Variants in SUPT5H observed in about 807,000 individuals in gnomAD.
SUPT5H encodes SPT5 homolog, DSIF elongation factor subunit, also known as transcription elongation factor SPT5.
In SUPT5H, 24 loss-of-function variants were observed where a neutral mutation model predicts 142.5. The observed-to-expected ratio is 0.17, with a 90% CI of 0.12 to 0.24. The LOEUF (loss-of-function observed/expected upper bound fraction) is 0.24, where lower values mean the gene tolerates loss of function less well. Among genes scored for constraint, SUPT5H ranks in the 10% least tolerant of loss-of-function variants. SUPT5H has a pLI of 1.00. For missense variants in SUPT5H, 893 were observed against 1,471.8 expected (o/e 0.61, Z 6.43); for synonymous variants, 546 against 553.0 (o/e 0.99, Z 0.18).
At chr19:39,449,533 T>G (rs973381554) in intron 2 of SUPT5H, among the ~76,000 whole-genome samples, 3 of 152,018 alleles carry the variant, frequency 2.0e-5, no homozygotes, top group Admixed American at 6.6e-5. Context: ...AGGCTCACAG[T>G]GGTCAGGGCT....
Position 39,453,359 on chromosome 19 carries a change from G to T in SUPT5H, c.79G>T (p.Asp27Tyr). 1 of 1,603,092 alleles carries T rather than the reference G, an allele frequency of 6.2e-7. No individual in the cohort carries two copies. The highest frequency in any genetic ancestry group is 1.1e-5 in the South Asian group (1 of 89,676). Reference protein sequence around the residue: ...RSSDGEEAEVDEERRSAAGSE... With the variant: ...RSSDGEEAEVYEERRSAAGSE... ...CAACCCTGCCTGACCCCTGTAGGTA[G>T]ACGAAGAGCGGCGGAGTGCAGCGGG... The change falls in exon 3 of 30, where the codon GAC becomes TAC. Residue 27 changes from aspartate (D) to tyrosine (Y), a missense_variant. By Grantham distance (160) the Asp-to-Tyr change is radical. Transcript: ENST00000432763.
chr19:39,450,297 A>G (rs767672742), intron 2 of SUPT5H, among the ~76,000 whole-genome samples: 50 of 149,126 alleles, frequency 3.4e-4, no homozygotes, highest in Non-Finnish European at 6.5e-4. Context: ...TTTTTTGGAG[A>G]TGAAGTCTCA....
chr19:39,458,201 A>G lies in SUPT5H; in HGVS notation c.308-93A>G. On this transcript the variant is annotated intron_variant, in intron 4 of 29. Transcript: ENST00000432763. The surrounding 1 kb of genome is among the most constrained non-coding windows in gnomAD (Gnocchi z 4.2). ...CAACCCATTGGTTGATTTTGCTGCTATAATTTGGCTCATACTTTGTCTGCC... is the reference window on the plus strand; with the variant it reads ...CAACCCATTGGTTGATTTTGCTGCTGTAATTTGGCTCATACTTTGTCTGCC... 3.2e-6 allele frequency: 5 copies of G among 1,542,058 alleles called. No individual in the cohort carries two copies. Among genetic ancestry groups the G allele is most frequent in the Middle Eastern group, 2.2e-4 (1 of 4,562 alleles).
Position 39,469,493 on chromosome 19 carries a change from G to A in SUPT5H, c.1374+95G>A. 1 of 1,557,392 alleles carries A rather than the reference G, an allele frequency of 6.4e-7. No homozygotes were observed. Among genetic ancestry groups the A allele is most frequent in the Non-Finnish European group, 8.8e-7 (1 of 1,142,304 alleles). On this transcript the variant is annotated intron_variant, in intron 16 of 29. Transcript: ENST00000432763. The surrounding 1 kb of genome is among the most constrained non-coding windows in gnomAD (Gnocchi z 5.1). ...GCGGTGGTGTGCCTGGTGACACCTG[G>A]TTTCCAGGAGGGTAAGTTGAGGCCC...
chr19:39,447,167 C>T (rs1473278345), intron 2 of SUPT5H, among the ~76,000 whole-genome samples: 1 of 152,044 alleles, frequency 6.6e-6, no homozygotes, highest in Non-Finnish European at 1.5e-5. Flanking sequence ...TGTCTCCCCA[C>T]CACCCCCTAA....
chr19:39,472,786 A>G lies in SUPT5H; in HGVS notation c.2036-24A>G. Reference sequence around the variant, plus strand: ...GCTGTGGGCACAGCCGTGGGGGACCAGTGACATTCTCCCCAATCCCCAGGT... The same window carrying G: ...GCTGTGGGCACAGCCGTGGGGGACCGGTGACATTCTCCCCAATCCCCAGGT... On this transcript the variant is annotated intron_variant, in intron 21 of 29. Transcript: ENST00000432763. This position sits in a 1 kb window ranked among gnomAD's most constrained non-coding sequence, Gnocchi z 4.2. 1 of 1,603,838 alleles carries G rather than the reference A, an allele frequency of 6.2e-7. No homozygotes were observed. Among genetic ancestry groups the G allele is most frequent in the African/African-American group, 1.3e-5 (1 of 74,942 alleles).
chr19:39,459,575 A>T lies in SUPT5H; in HGVS notation c.541A>T (p.Thr181Ser), dbSNP rs1432344714. Reference protein sequence around the residue: ...LPGVKDPNLWTVKCKIGEERA... With the variant: ...LPGVKDPNLWSVKCKIGEERA... ...GCTGCTTAGGGATCCCAATCTGTGG[A>T]CTGTCAAATGTAAGGTATGTGCTCT... Residue 181 changes from threonine (T) to serine (S), a missense_variant, in exon 9 of 30, where the codon ACT becomes TCT. Coordinates refer to ENST00000432763, the MANE Select transcript of SUPT5H (RefSeq NM_001111020.3). 6.2e-7 allele frequency: 1 copy of T among 1,613,700 alleles called. No individual in the cohort carries two copies. Among genetic ancestry groups the T allele is most frequent in the East Asian group, 2.2e-5 (1 of 44,868 alleles).
At chr19:39,450,946 G>A (rs1479767446) in intron 2 of SUPT5H, among the ~76,000 whole-genome samples, 1 of 152,188 alleles carries the variant, frequency 6.6e-6, no homozygotes, top group South Asian at 2.1e-4. Flanking sequence ...GTTACCTTGT[G>A]TTTATGACAA....
At chr19:39,471,153 T>C (rs897942727) in intron 18 of SUPT5H, among the ~76,000 whole-genome samples, 3 of 152,158 alleles carry the variant, frequency 2.0e-5, no homozygotes, top group Admixed American at 6.5e-5. Context: ...AAGGGTGTTT[T>C]AGAATGACTG....
intron 2 of SUPT5H, among the ~76,000 whole-genome samples, chr19:39,448,769 C>T (rs535814490): frequency 4.5e-4 from 69 of 152,176 alleles, no homozygotes; most frequent in African/African-American, 1.5e-3. Context: ...GTTCACCCAT[C>T]ATGGCTCCAG....
intron 28 of SUPT5H, 67 bp from the exon 29 acceptor site, chr19:39,476,014 C>A: frequency 6.9e-7 from 1 of 1,446,730 alleles, no homozygotes; most frequent in Non-Finnish European, 9.6e-7. Flanking sequence ...CCTGTGTCCC[C>A]TGGAGTATGG....
At position 39,473,879 on chromosome 19, in the gene SUPT5H, TG is replaced by T; in HGVS notation, c.2493-79del. ...CCCGTGAGAATGAAATTGCTTCAGT[TG>T]GGGGTCTGGTGTAGGGTGCTGTTCT... On this transcript the variant is annotated intron_variant, in intron 25 of 29. Coordinates refer to ENST00000432763, the MANE Select transcript of SUPT5H (RefSeq NM_001111020.3). The surrounding 1 kb of genome is among the most constrained non-coding windows in gnomAD (Gnocchi z 5.8). 4 of 1,578,498 alleles carry T rather than the reference TG, an allele frequency of 2.5e-6. No individual in the cohort carries two copies. The highest frequency in any genetic ancestry group is 3.5e-6 in the Non-Finnish European group (4 of 1,149,884).
chr19:39,473,421 C>T lies in SUPT5H; in HGVS notation c.2392C>T (p.Arg798Cys), dbSNP rs2079353317. 1.2e-6 allele frequency: 2 copies of T among 1,613,372 alleles called. No individual in the cohort carries two copies. Among genetic ancestry groups the T allele is most frequent in the South Asian group, 1.1e-5 (1 of 91,070 alleles). Reference sequence around the variant, plus strand: ...ACTCATTTCCCCCATTCCAGGTAGCCGCACCCCACACTACGGCTCACAGAC... The same window carrying T: ...ACTCATTTCCCCCATTCCAGGTAGCTGCACCCCACACTACGGCTCACAGAC... ...GSQTPLQDGS[R>C]TPHYGSQTPL... The change falls in exon 25 of 30, where the codon CGC becomes TGC. Residue 798 changes from arginine (R) to cysteine (C), a missense_variant. By Grantham distance (180) the Arg-to-Cys change is radical. This residue lies in a region of SUPT5H where 336 missense variants were observed against 546.5 expected (regional missense o/e 0.61). Coordinates refer to ENST00000432763, the MANE Select transcript of SUPT5H (RefSeq NM_001111020.3). This position sits in a 1 kb window ranked among gnomAD's most constrained non-coding sequence, Gnocchi z 5.8.
chr19:39,466,415 CCTT>C lies in SUPT5H; in HGVS notation c.877-61_877-59del, dbSNP rs1241484136. 1.6e-4 allele frequency: 234 copies of C among 1,467,840 alleles called. No individual in the cohort carries two copies. Among genetic ancestry groups the C allele is most frequent in the Non-Finnish European group, 6.7e-6 (7 of 1,049,634 alleles). 90.9% of individuals were successfully genotyped at this position (1,467,840 alleles called of 1,614,324 possible). ...CTTCTCCTTCCTAGCATCTCCTGAC[CCTT>C]CTTGTGTCTGGGGTCAGGGAGGAGA... On this transcript the variant is annotated intron_variant, in intron 11 of 29. Transcript: ENST00000432763. The surrounding 1 kb of genome is among the most constrained non-coding windows in gnomAD (Gnocchi z 4.3).
intron 13 of SUPT5H, chr19:39,467,869 A>G (rs2079263853): frequency 6.6e-6 from 1 of 151,938 alleles, no homozygotes; most frequent in Admixed American, 6.6e-5. Context: ...CTAATACTTC[A>G]CCTGCCTGAG....
chr19:39,448,554 A>C (rs2078981052), intron 2 of SUPT5H, among the ~76,000 whole-genome samples: 1 of 147,338 alleles, frequency 6.8e-6, no homozygotes, highest in South Asian at 2.1e-4. Flanking sequence ...ACTACACCAT[A>C]CTTGACCCCC....
chr19:39,446,379 G>A (rs1011129811), intron 2 of SUPT5H, among the ~76,000 whole-genome samples: 2 of 152,132 alleles, frequency 1.3e-5, no homozygotes, highest in African/African-American at 4.8e-5. Context: ...TATAGCCAAG[G>A]AATAAACTAT....
Position 39,469,030 on chromosome 19 carries a change from A to C in SUPT5H, c.1144-49A>C. ...TCAGCCCACTCAGCTGGGCTGTTGC[A>C]CTGACCTCGGTCCATTTCCTTCTCT... is the stretch of plus-strand genomic sequence containing the variant. On this transcript the variant is annotated intron_variant, in intron 14 of 29. Transcript: ENST00000432763. This position sits in a 1 kb window ranked among gnomAD's most constrained non-coding sequence, Gnocchi z 5.1. 6.2e-7 allele frequency: 1 copy of C among 1,609,886 alleles called. No individual in the cohort carries two copies. The highest frequency in any genetic ancestry group is 8.5e-7 in the Non-Finnish European group (1 of 1,177,336).
At chr19:39,471,043 C>T (rs1343916540) in intron 18 of SUPT5H, among the ~76,000 whole-genome samples, 4 of 152,144 alleles carry the variant, frequency 2.6e-5, no homozygotes, top group Non-Finnish European at 4.4e-5. Context: ...TGAAATCTTA[C>T]GGGGCCTGAC....
Sources: allele counts gnomAD v4.1 joint callset (sites outside exome capture counted in the v4.1 genomes callset), GRCh38; gene constraint gnomAD v4.1.1; regional missense constraint gnomAD v4.1.1; non-coding constraint Gnocchi (gnomAD v3.1); transcripts MANE v1.5; gene names NCBI Gene and HGNC (gene_info 2026-07-23, HGNC 2026-07-21).